Variants in TYW1B observed in about 807,000 individuals in gnomAD.
TYW1B encodes the protein tRNA-yW synthesizing protein 1 homolog B, also known as S-adenosyl-L-methionine-dependent tRNA 4-demethylwyosine synthase TYW1B.
In TYW1B, 73 loss-of-function variants were observed where a neutral mutation model predicts 86.9. The ratio of observed to expected loss-of-function variants is 0.84; its 90% CI spans 0.70 to 1.02. The LOEUF is 1.02. Ranked by LOEUF, TYW1B falls within the 50% of genes least tolerant of loss-of-function variation. TYW1B has a pLI of 0.00. For synonymous variants in TYW1B, 248 were observed against 292.8 expected, an observed-to-expected ratio of 0.85 and a Z score of 1.56; for missense variants, 637 against 827.4, an observed-to-expected ratio of 0.77 and a Z score of 2.82.
intron 10 of TYW1B, among the ~76,000 whole-genome samples, chr7:72,703,130 T>C (rs557599738): frequency 1.3e-3 from 199 of 150,556 alleles, no homozygotes; most frequent in African/African-American, 4.5e-3. Context: ...GTTCCCGCCA[T>C]ACTCCTGCCT....
At chr7:72,819,351 C>T (rs1336705736) in intron 2 of TYW1B, among the ~76,000 whole-genome samples, 1 of 152,114 alleles carries the variant, frequency 6.6e-6, no homozygotes, top group African/African-American at 2.4e-5. Context: ...ATACTGGAGT[C>T]AGAAGAGGGC....
At chr7:72,646,995 G>A (rs1554442136) in intron 11 of TYW1B, among the ~76,000 whole-genome samples, 1 of 152,148 alleles carries the variant, frequency 6.6e-6, no homozygotes, top group African/African-American at 2.4e-5. Context: ...TTATAACCCA[G>A]GACTACAGCT....
At chr7:72,722,291 C>T (rs2961007) in intron 9 of TYW1B, among the ~76,000 whole-genome samples, 104,237 of 152,044 alleles carry the variant, frequency 0.69, 36,718 homozygotes, top group Non-Finnish European at 0.77. Context: ...TAGATAAAAA[C>T]ACCTAGCAAT....
At chr7:72,599,844 G>A (rs1257027877) in intron 13 of TYW1B, among the ~76,000 whole-genome samples, 5 of 151,998 alleles carry the variant, frequency 3.3e-5, no homozygotes, top group Non-Finnish European at 7.4e-5. Flanking sequence ...ATATATATAT[G>A]TAGAAAACAA....
At chr7:72,806,392 C>T (rs1788495779) in intron 5 of TYW1B, among the ~76,000 whole-genome samples, 1 of 151,914 alleles carries the variant, frequency 6.6e-6, no homozygotes. Flanking sequence ...CCCGCCACCA[C>T]ACCTGGCTAA....
At chr7:72,762,597 G>A (rs1216475271) in intron 7 of TYW1B, among the ~76,000 whole-genome samples, 3 of 152,066 alleles carry the variant, frequency 2.0e-5, no homozygotes, top group Non-Finnish European at 4.4e-5. Context: ...CCTGTAATGA[G>A]GAAACTTCCC....
chr7:72,772,357 C>T (rs1292290100), intron 7 of TYW1B, among the ~76,000 whole-genome samples: 2 of 151,938 alleles, frequency 1.3e-5, no homozygotes, highest in Non-Finnish European at 1.5e-5. Flanking sequence ...TAAAAATGAA[C>T]GGTATGCTGG....
intron 12 of TYW1B, among the ~76,000 whole-genome samples, chr7:72,623,672 C>T (rs1185602886): frequency 6.6e-6 from 1 of 152,086 alleles, no homozygotes; most frequent in African/African-American, 2.4e-5. Flanking sequence ...CCTTCCCAAA[C>T]GTATGGTTTT....
At chr7:72,676,010 A>G (rs532988027) in intron 11 of TYW1B, among the ~76,000 whole-genome samples, 18 of 152,256 alleles carry the variant, frequency 1.2e-4, no homozygotes, top group African/African-American at 4.3e-4. Flanking sequence ...GAAAAATGAT[A>G]ACTTTAGGTA....
chr7:72,669,787 A>T (rs1220364825), intron 11 of TYW1B, among the ~76,000 whole-genome samples: 1 of 151,362 alleles, frequency 6.6e-6, no homozygotes, highest in Non-Finnish European at 1.5e-5. Flanking sequence ...AAATAATAAT[A>T]AATAAATAAC....
At chr7:72,619,414 G>A (rs1331334775) in intron 12 of TYW1B, among the ~76,000 whole-genome samples, 1 of 152,016 alleles carries the variant, frequency 6.6e-6, no homozygotes, top group African/African-American at 2.4e-5. Context: ...GGCCGAGGCG[G>A]GTGGATCATG....
At chr7:72,619,233 C>T (rs1225107650) in intron 12 of TYW1B, among the ~76,000 whole-genome samples, 4 of 152,168 alleles carry the variant, frequency 2.6e-5, no homozygotes, top group Non-Finnish European at 5.9e-5. Context: ...TCTTTTCCCC[C>T]CTCAAAAACC....
At chr7:72,697,204 C>G (rs1814342586) in intron 10 of TYW1B, among the ~76,000 whole-genome samples, 1 of 152,022 alleles carries the variant, frequency 6.6e-6, no homozygotes, top group Non-Finnish European at 1.5e-5. Flanking sequence ...CAGTACATTC[C>G]AAAGGCCATA....
Position 72,748,081 on chromosome 7 carries a change from T to C in TYW1B, c.965-3480A>G, listed in dbSNP as rs187325103. On this transcript the variant is annotated intron_variant, in intron 7 of 13. Transcript: ENST00000620995. ...GTCAGGAGATCGAGACCGTCCTGGC[T>C]AACATGGTGAAACCCCGTCTCTACT... Among the ~76,000 whole-genome samples the C allele has an allele frequency of 4.2e-3, 645 of 152,152 alleles. 4 individuals carry two copies. Among genetic ancestry groups the C allele is most frequent in the Middle Eastern group, 0.02 (6 of 294 alleles).
At chr7:72,722,388 G>C (rs1274122146) in intron 9 of TYW1B, among the ~76,000 whole-genome samples, 1 of 152,212 alleles carries the variant, frequency 6.6e-6, no homozygotes, top group African/African-American at 2.4e-5. Context: ...TGCTGAACGA[G>C]TGGAAAACTG....
At chr7:72,701,617 AGGTTTGTTT>A (rs1392289053) in intron 10 of TYW1B, among the ~76,000 whole-genome samples, 21 of 151,976 alleles carry the variant, frequency 1.4e-4, no homozygotes, top group African/African-American at 5.1e-4. Flanking sequence ...CTCTCAACCC[AGGTTTGTTT>A]GGTTTGGTTG....
intron 3 of TYW1B, among the ~76,000 whole-genome samples, chr7:72,813,935 A>T (rs1788671630): frequency 6.6e-6 from 1 of 151,764 alleles, no homozygotes. Context: ...GAATCACTTA[A>T]ACCCTGGAGC....
At chr7:72,818,854 T>C (rs1390441124) in intron 2 of TYW1B, among the ~76,000 whole-genome samples, 2 of 151,884 alleles carry the variant, frequency 1.3e-5, no homozygotes, top group East Asian at 3.9e-4. Flanking sequence ...ACGAGGACGG[T>C]ACAAGGGAGA....
rs1406345909 is a variant in TYW1B, at chr7:72,575,388, G to A, written c.*110C>T. 3.4e-6 allele frequency: 5 copies of A among 1,474,990 alleles called. No homozygotes were observed. In the African/African-American group the frequency reaches 5.7e-5, roughly 17 times the overall value. The allele number at this position is 1,474,990 out of a possible 1,614,324, so 91.4% of individuals were successfully genotyped here. On this transcript the variant is annotated 3_prime_UTR_variant, in exon 14 of 14. Coordinates refer to ENST00000620995, the MANE Select transcript of TYW1B (RefSeq NM_001145440.3). Reference sequence around the variant, plus strand: ...TGTTTACTGCCTTATCGTCTCCTTTGTATGAAAGTATAATTTACGTAATTC... The same window carrying A: ...TGTTTACTGCCTTATCGTCTCCTTTATATGAAAGTATAATTTACGTAATTC...
Sources: gnomAD v4.1 joint callset for allele counts (sites outside exome capture counted in the v4.1 genomes callset) on GRCh38, gnomAD v4.1.1 for gene constraint, MANE v1.5 for transcripts, NCBI Gene and HGNC (gene_info 2026-07-23, HGNC 2026-07-21) for gene names.